Variants in CATSPERE observed in about 807,000 individuals in gnomAD.
CATSPERE encodes cation channel sperm-associated auxiliary subunit epsilon.
In CATSPERE, 93 loss-of-function variants were observed where a neutral mutation model predicts 114.1. That is an observed-to-expected ratio of 0.81 (90% CI 0.69 to 0.97). The LOEUF is 0.97. Ranked by LOEUF, CATSPERE falls within the 50% of genes least tolerant of loss-of-function variation. The probability of loss-of-function intolerance (pLI) is 0.00; values close to 1 mark genes in which losing one functional copy is unlikely to be tolerated. For missense variants in CATSPERE, 1,058 were observed against 1,131.6 expected, an observed-to-expected ratio of 0.93 and a Z score of 0.93; for synonymous variants, 341 against 384.1, an observed-to-expected ratio of 0.89 and a Z score of 1.31.
chr1:244,475,114 T>G (rs1305659994), intron 2 of CATSPERE, among the ~76,000 whole-genome samples: 6 of 152,136 alleles, frequency 3.9e-5, no homozygotes, highest in African/African-American at 1.4e-4. Flanking sequence ...TTCATTTGTT[T>G]TATAAATTTC....
intron 17 of CATSPERE, among the ~76,000 whole-genome samples, chr1:244,602,349 T>C (rs945504602): frequency 6.6e-6 from 1 of 152,126 alleles, no homozygotes; most frequent in Non-Finnish European, 1.5e-5. Context: ...CAGAGGTGAA[T>C]TTAGCTGCTC....
At chr1:244,475,308 A>G (rs1572270220) in intron 2 of CATSPERE, among the ~76,000 whole-genome samples, 1 of 150,414 alleles carries the variant, frequency 6.6e-6, no homozygotes, top group South Asian at 2.1e-4. Flanking sequence ...ATCTCGGCTC[A>G]CTGCAACCTC....
chr1:244,499,069 A>G lies in CATSPERE; in HGVS notation c.419A>G (p.Glu140Gly). The stretch of plus-strand genomic sequence containing the variant: ...GATGAGTTGCTGGGGAATGCAGAAG[A>G]ACCTTCAATAGTAGGTGGAAACATT... ...DPDELLGNAE[E>G]PSINSIVLST... Residue 140 changes from glutamate (E) to glycine (G), a missense_variant, in exon 7 of 22, where the codon GAA (glutamate) becomes GGA (glycine). Around this residue, in one of 2 missense-constraint regions of CATSPERE, gnomAD observed 271 missense variants for 225.9 expected, o/e 1.20. Transcript: ENST00000366534. 6.2e-7 allele frequency: 1 copy of G among 1,608,616 alleles called. No homozygotes were observed. Among genetic ancestry groups the G allele is most frequent in the South Asian group, 1.1e-5 (1 of 90,914 alleles).
chr1:244,507,039 A>G (rs980816210), intron 7 of CATSPERE, among the ~76,000 whole-genome samples: 1 of 152,186 alleles, frequency 6.6e-6, no homozygotes, highest in Non-Finnish European at 1.5e-5. Context: ...TTCACTCAAA[A>G]TAATAGCCTC....
At chr1:244,579,931 C>G (rs142539296) in intron 11 of CATSPERE, among the ~76,000 whole-genome samples, 94 of 152,206 alleles carry the variant, frequency 6.2e-4, no homozygotes, top group African/African-American at 2.2e-3. Context: ...ACATTAAGGG[C>G]TTAGAAAAGC....
At chr1:244,529,078 G>GT (rs1217467884) in intron 8 of CATSPERE, among the ~76,000 whole-genome samples, 1 of 152,210 alleles carries the variant, frequency 6.6e-6, no homozygotes, top group East Asian at 1.9e-4. Context: ...CCATTCACCT[G>GT]TTGATGGACA....
At chr1:244,523,376 T>A (rs1677945525) in intron 8 of CATSPERE, among the ~76,000 whole-genome samples, 1 of 143,080 alleles carries the variant, frequency 7.0e-6, no homozygotes, top group Non-Finnish European at 1.5e-5. Context: ...CCACAGCCAA[T>A]ATCATACTGA....
intron 8 of CATSPERE, among the ~76,000 whole-genome samples, chr1:244,527,715 G>A (rs912098628): frequency 6.6e-6 from 1 of 152,190 alleles, no homozygotes; most frequent in Non-Finnish European, 1.5e-5. Context: ...GTAAAGACAG[G>A]TGTAAAAAAT....
At chr1:244,455,147 A>G (rs1044549613) in intron 1 of CATSPERE, among the ~76,000 whole-genome samples, 3 of 152,166 alleles carry the variant, frequency 2.0e-5, no homozygotes, top group African/African-American at 7.2e-5. Context: ...TCAGTAGCTA[A>G]GGTTTTGCCT....
chr1:244,588,378 CA>C (rs1667297658), intron 13 of CATSPERE, 103 bp from the exon 14 acceptor site: 1 of 837,738 alleles, frequency 1.2e-6, no homozygotes, highest in South Asian at 1.4e-5. Flanking sequence ...CTACATTTTA[CA>C]AGTTATTATT....
rs75408976 is a variant in CATSPERE at position 244,636,309 on chromosome 1, C to T, written c.2702+767C>T. On this transcript the variant is annotated intron_variant, in intron 21 of 21. Transcript: ENST00000366534. ...GGTTTTGTTTGATGGGTTTTTTTTGCGGGGGAGGGGAGAGGATTGTTAAAT... is the reference window on the plus strand; with the variant it reads ...GGTTTTGTTTGATGGGTTTTTTTTGTGGGGGAGGGGAGAGGATTGTTAAAT... 5.8e-3 allele frequency among the ~76,000 whole-genome samples: 875 copies of T among 151,032 alleles called. 8 individuals are homozygous for T. The highest frequency in any genetic ancestry group is 0.021 in the African/African-American group (835 of 40,686).
upstream of CATSPERE, among the ~76,000 whole-genome samples, chr1:244,460,549 G>T (rs1666594197): frequency 6.6e-6 from 1 of 152,230 alleles, no homozygotes; most frequent in South Asian, 2.1e-4. Context: ...TGCTTGGGGA[G>T]ACTGATTTGA....
chr1:244,613,726 A>G (rs188672278), intron 19 of CATSPERE, among the ~76,000 whole-genome samples: 127 of 152,314 alleles, frequency 8.3e-4, no homozygotes, highest in Admixed American at 5.6e-3. Context: ...AGAATCCTTC[A>G]AAAATCCTTC....
chr1:244,560,814 C>A lies in CATSPERE; in HGVS notation c.1176C>A (p.Asp392Glu). The A allele has an allele frequency of 6.2e-7, 1 of 1,614,018 alleles. No homozygotes were observed. The highest frequency in any genetic ancestry group is 8.5e-7 in the Non-Finnish European group (1 of 1,179,964). ...CGGTGACTGCTACTCTGACCATAGACAGGGTTGAGTATACAGGACACCCTC... is the reference window on the plus strand; with the variant it reads ...CGGTGACTGCTACTCTGACCATAGAAAGGGTTGAGTATACAGGACACCCTC... ...SLSVTATLTI[D>E]RVEYTGHPLE... Residue 392 changes from aspartate (D) to glutamate (E), a missense_variant, in exon 10 of 22, where the codon GAC (aspartate) becomes GAA (glutamate). Physicochemically the swap from Asp to Glu is conservative, Grantham distance 45. This residue lies in a region of CATSPERE where 787 missense variants were observed against 905.6 expected (regional missense o/e 0.87). Transcript: ENST00000366534.
At chr1:244,637,530 C>T (rs1353473410) in intron 21 of CATSPERE, among the ~76,000 whole-genome samples, 1 of 149,660 alleles carries the variant, frequency 6.7e-6, no homozygotes, top group Non-Finnish European at 1.5e-5. Context: ...TCCTGTCCTT[C>T]CAGCTTGTTA....
At position 244,561,145 on chromosome 1, in the gene CATSPERE, G is replaced by A; in HGVS notation, c.1507G>A (p.Asp503Asn). The A allele has an allele frequency of 6.5e-7, 1 of 1,541,816 alleles. No individual in the cohort carries two copies. Among genetic ancestry groups the A allele is most frequent in the Non-Finnish European group, 8.9e-7 (1 of 1,119,238 alleles). Residue 503 changes from aspartate (D) to asparagine (N), a missense_variant and splice_region_variant, in exon 10 of 22, where the codon GAT (aspartate) becomes AAT (asparagine). Coordinates refer to ENST00000366534, the MANE Select transcript of CATSPERE (RefSeq NM_001130957.2). Reference sequence around the variant, plus strand: ...CAGCATTATTCATGAAGTTTTCATAGGTAAGGCATTCTCAGTCCACTAACA... The same window carrying A: ...CAGCATTATTCATGAAGTTTTCATAAGTAAGGCATTCTCAGTCCACTAACA... ...NDSIIHEVFI[D>N]YYGDILVKME...
intron 6 of CATSPERE, among the ~76,000 whole-genome samples, chr1:244,491,352 C>T (rs1029605330): frequency 2.0e-5 from 3 of 152,008 alleles, no homozygotes; most frequent in Non-Finnish European, 2.9e-5. Flanking sequence ...CTACTGGGTA[C>T]ATAACGAAAT....
At chr1:244,528,545 G>A (rs1425817068) in intron 8 of CATSPERE, among the ~76,000 whole-genome samples, 5 of 151,566 alleles carry the variant, frequency 3.3e-5, no homozygotes, top group African/African-American at 1.2e-4. Context: ...ATATTTTGTG[G>A]GTTTATGAGA....
upstream of CATSPERE, chr1:244,451,497 G>T: frequency 1.0e-6 from 1 of 967,746 alleles, no homozygotes; most frequent in Non-Finnish European, 1.5e-6. This position sits in a 1 kb window ranked among gnomAD's most constrained non-coding sequence, Gnocchi z 6.6. Flanking sequence ...CGCAGCTCAG[G>T]ACAGGAGGAG....
Sources: allele counts gnomAD v4.1 joint callset (sites outside exome capture counted in the v4.1 genomes callset), GRCh38; gene constraint gnomAD v4.1.1; regional missense constraint gnomAD v4.1.1; non-coding constraint Gnocchi (gnomAD v3.1); transcripts MANE v1.5; gene names NCBI Gene and HGNC (gene_info 2026-07-23, HGNC 2026-07-21).